ALDH1A2: variants seen among roughly 807,000 people sequenced by gnomAD.
ALDH1A2 encodes aldehyde dehydrogenase 1 family member A2, also known as retinal dehydrogenase 2.
Under a neutral mutation model 60.3 loss-of-function variants are expected in ALDH1A2, and 27 were observed. That is an observed-to-expected ratio of 0.45 (90% CI 0.33 to 0.62). The LOEUF is 0.62. Ranked by LOEUF, ALDH1A2 falls within the 20% of genes least tolerant of loss-of-function variation. The pLI, the probability that ALDH1A2 is intolerant of heterozygous loss-of-function variation, is 0.02. For synonymous variants in ALDH1A2, 289 were observed against 232.4 expected (o/e 1.24, Z -2.21); for missense variants, 581 against 643.8 (o/e 0.90, Z 1.06).
At chr15:57,960,996 AAGC>A in intron 11 of ALDH1A2, 138 bp downstream of exon 11, 1 of 1,342,678 alleles carries the variant, frequency 7.4e-7, no homozygotes, top group East Asian at 2.4e-5. Flanking sequence ...TTCTGGATCT[AAGC>A]AGTAAGGAGT....
At chr15:58,043,258 T>G (rs563083271) in intron 1 of ALDH1A2, among the ~76,000 whole-genome samples, 34 of 152,010 alleles carry the variant, frequency 2.2e-4, no homozygotes, top group Non-Finnish European at 2.2e-4. Context: ...TAGACTTTTC[T>G]GAATACTTTT....
intron 4 of ALDH1A2, among the ~76,000 whole-genome samples, chr15:58,006,754 G>C (rs1179965164): frequency 2.6e-5 from 3 of 113,358 alleles, no homozygotes; most frequent in Non-Finnish European, 5.6e-5. Flanking sequence ...GTTTTAATTT[G>C]CATTTCCCCA....
intron 7 of ALDH1A2, among the ~76,000 whole-genome samples, chr15:57,984,970 C>G (rs1894647479): frequency 2.6e-5 from 4 of 151,958 alleles, no homozygotes; most frequent in Admixed American, 2.0e-4. Flanking sequence ...GGGATAAATC[C>G]CACTTGGTCA....
chr15:57,963,935 T>A lies in ALDH1A2; in HGVS notation c.1036A>T (p.Arg346Trp), dbSNP rs750327790. The change falls in exon 9 of 13, where the codon AGG becomes TGG. Residue 346 changes from arginine (R) to tryptophan (W), a missense_variant. Arg to Trp is a moderately radical substitution (Grantham distance 101). Transcript: ENST00000249750. Reference sequence around the variant, plus strand: ...TCAAAGGGACTCCCCACTACGCGCCTCTTGGCCCGCTCCACGCTTCTTCTC... The same window carrying A: ...TCAAAGGGACTCCCCACTACGCGCCACTTGGCCCGCTCCACGCTTCTTCTC... ...FVRRSVERAK[R>W]RVVGSPFDPT... The A allele has an allele frequency of 1.4e-5, 23 of 1,614,044 alleles. No individual in the cohort carries two copies. The highest frequency in any genetic ancestry group is 1.9e-5 in the Non-Finnish European group (22 of 1,180,016).
intron 1 of ALDH1A2, among the ~76,000 whole-genome samples, chr15:58,040,777 T>C (rs1896501937): frequency 6.6e-6 from 1 of 151,936 alleles, no homozygotes; most frequent in Admixed American, 6.6e-5. Flanking sequence ...AGAATAATAA[T>C]AAATGTTAAC....
intron 1 of ALDH1A2, among the ~76,000 whole-genome samples, chr15:58,030,513 C>A (rs1007445956): frequency 6.6e-6 from 1 of 152,144 alleles, no homozygotes; most frequent in Non-Finnish European, 1.5e-5. Context: ...CACTCCTCTT[C>A]AGCATAGTAT....
intron 7 of ALDH1A2, among the ~76,000 whole-genome samples, chr15:57,979,461 G>A (rs1486350900): frequency 3.3e-5 from 5 of 152,066 alleles, no homozygotes; most frequent in Admixed American, 6.5e-5. Flanking sequence ...CAGCCTGGAC[G>A]TGCCAGCAGG....
At chr15:58,013,204 C>T (rs4646584) in intron 3 of ALDH1A2, among the ~76,000 whole-genome samples, 69,191 of 151,996 alleles carry the variant, frequency 0.46, 16,351 homozygotes, top group Non-Finnish European at 0.53. Flanking sequence ...TGAAGGATTC[C>T]TTTTACTCAA....
At chr15:58,039,786 G>C (rs1476558796) in intron 1 of ALDH1A2, among the ~76,000 whole-genome samples, 1 of 151,712 alleles carries the variant, frequency 6.6e-6, no homozygotes, top group Non-Finnish European at 1.5e-5. Context: ...GAGAAAAGAA[G>C]AGAACAAAAA....
intron 1 of ALDH1A2, among the ~76,000 whole-genome samples, chr15:58,042,445 T>C (rs1467205076): frequency 6.6e-6 from 1 of 151,998 alleles, no homozygotes; most frequent in African/African-American, 2.4e-5. Flanking sequence ...AAATAGTAGA[T>C]GCCCAATAAA....
chr15:57,993,203 T>A lies in ALDH1A2; in HGVS notation c.556-130A>T, dbSNP rs189403237. 1,855 of 1,149,110 alleles carry A rather than the reference T, an allele frequency of 1.6e-3. 19 individuals carry two copies. In the Admixed American group the frequency reaches 0.019, roughly 12 times the overall value. The allele number at this position is 1,149,110 out of a possible 1,614,324, so 71.2% of individuals were successfully genotyped here. A position where few individuals can be genotyped will look rare whatever the true frequency, so the allele number is the denominator to read the frequency against. ...TCTTGTCCACTACAAAGTACAGATG[T>A]TTGGATTTTCAATTACTTCATTAAG... is the stretch of plus-strand genomic sequence containing the variant. On this transcript the variant is annotated intron_variant, in intron 5 of 12. Coordinates refer to ENST00000249750, the MANE Select transcript of ALDH1A2 (RefSeq NM_003888.4).
In ALDH1A2 at chr15:57,965,726, G is replaced by C. The variant is rs1220240609; in HGVS notation, c.900C>G (p.Asp300Glu). 1 of 1,611,644 alleles carries C rather than the reference G, an allele frequency of 6.2e-7. No homozygotes were observed. The highest frequency in any genetic ancestry group is 1.7e-5 in the Admixed American group (1 of 60,022). The part of the protein sequence containing the change: ...KSPNIIFADA[D>E]LDYAVEQAHQ... ...GTATGGGACCTGTAGTTGACTTACAGTCAGCATCAGCAAAAATAATATTAG... is the reference window on the plus strand; with the variant it reads ...GTATGGGACCTGTAGTTGACTTACACTCAGCATCAGCAAAAATAATATTAG... The change falls in exon 8 of 13, where the codon GAC becomes GAG. Residue 300 changes from aspartate to glutamate, a missense_variant and splice_region_variant. This residue lies in a region of ALDH1A2 where 375 missense variants were observed against 469.7 expected (regional missense o/e 0.80). Coordinates refer to ENST00000249750, the MANE Select transcript of ALDH1A2 (RefSeq NM_003888.4).
intron 1 of ALDH1A2, among the ~76,000 whole-genome samples, chr15:58,047,671 C>T (rs984839414): frequency 6.6e-6 from 1 of 151,550 alleles, no homozygotes; most frequent in Non-Finnish European, 1.5e-5. Flanking sequence ...TAAGAGTCTA[C>T]CTATACAGAG....
chr15:58,056,999 A>G (rs1438520159), intron 1 of ALDH1A2, among the ~76,000 whole-genome samples: 1 of 152,106 alleles, frequency 6.6e-6, no homozygotes, highest in East Asian at 1.9e-4. Context: ...ACTATGTTGG[A>G]CAGAAATTTG....
At chr15:58,047,172 T>C (rs1896659138) in intron 1 of ALDH1A2, among the ~76,000 whole-genome samples, 1 of 152,054 alleles carries the variant, frequency 6.6e-6, no homozygotes, top group South Asian at 2.1e-4. Context: ...TAGGTGTAAA[T>C]AATTTCCTAT....
chr15:57,995,164 C>A (rs1337800031), intron 4 of ALDH1A2, 25 bp from the exon 5 acceptor site: 5 of 1,579,212 alleles, frequency 3.2e-6, no homozygotes, highest in Non-Finnish European at 4.3e-6. Flanking sequence ...CATGGTCACT[C>A]CCAGAAAGTT....
At chr15:58,059,348 A>C (rs1182657232) in intron 1 of ALDH1A2, among the ~76,000 whole-genome samples, 1 of 152,216 alleles carries the variant, frequency 6.6e-6, no homozygotes, top group African/African-American at 2.4e-5. Flanking sequence ...GGCTTTCAAA[A>C]TAGCCACGGC....
intron 7 of ALDH1A2, among the ~76,000 whole-genome samples, chr15:57,976,984 G>A (rs1894280517): frequency 6.6e-6 from 1 of 152,010 alleles, no homozygotes; most frequent in African/African-American, 2.4e-5. Context: ...ATCTCACTGT[G>A]GTTTTGATTT....
At chr15:57,960,193 C>G (rs1359591841) in intron 12 of ALDH1A2, among the ~76,000 whole-genome samples, 1 of 152,128 alleles carries the variant, frequency 6.6e-6, no homozygotes, top group Non-Finnish European at 1.5e-5. Context: ...TATTAAATGC[C>G]TTAAGGACCT....
Sources: gnomAD v4.1 joint callset for allele counts (sites outside exome capture counted in the v4.1 genomes callset) on GRCh38, gnomAD v4.1.1 for gene constraint, gnomAD v4.1.1 regional missense constraint, MANE v1.5 for transcripts, NCBI Gene and HGNC (gene_info 2026-07-23, HGNC 2026-07-21) for gene names.